Variants in NDST4 observed in about 807,000 individuals in gnomAD.
NDST4 encodes the protein N-deacetylase and N-sulfotransferase 4.
A neutral mutation model predicts 100.8 loss-of-function variants in NDST4; 63 were observed. The observed-to-expected ratio is 0.62, with a 90% CI of 0.51 to 0.77. The LOEUF (loss-of-function observed/expected upper bound fraction) is 0.77, where lower values mean the gene tolerates loss of function less well. NDST4 is among the 30% of genes least tolerant of loss of function. The pLI is 0.00. For missense variants in NDST4, 943 were observed against 1,018.4 expected (o/e 0.93, Z 1.01); for synonymous variants, 377 against 361.8 (o/e 1.04, Z -0.48).
intron 2 of NDST4, among the ~76,000 whole-genome samples, chr4:115,027,818 C>G (rs568737607): frequency 6.6e-6 from 1 of 152,180 alleles, no homozygotes; most frequent in Non-Finnish European, 1.5e-5. Context: ...CTTTGGGAGG[C>G]CAAGGCGGGC....
chr4:115,076,509 T>C lies in NDST4; in HGVS notation c.528A>G (p.Gln176=). The C allele has an allele frequency of 6.2e-7, 1 of 1,614,016 alleles. No individual in the cohort carries two copies. The highest frequency in any genetic ancestry group is 8.5e-7 in the Non-Finnish European group (1 of 1,179,952). The change falls in exon 2 of 14, where the codon CAA becomes CAG. Residue 176 remains glutamine, a synonymous_variant. Coordinates refer to ENST00000264363, the MANE Select transcript of NDST4 (RefSeq NM_022569.3). The part of the protein sequence containing the change: ...KANENSLPST[Q]LKGFPLNLFN... ...AAAGGTTTAACGGAAAGCCTTTTAA[T>C]TGTGTACTTGGTAAGCTGTTCTCAT...
intron 2 of NDST4, among the ~76,000 whole-genome samples, chr4:115,024,664 T>C (rs1560571273): frequency 6.6e-6 from 1 of 152,170 alleles, no homozygotes; most frequent in Non-Finnish European, 1.5e-5. Context: ...GATGAGACTC[T>C]ACTTCTAAAT....
chr4:114,833,073 A>T (rs527561491), intron 12 of NDST4, among the ~76,000 whole-genome samples: 9 of 152,366 alleles, frequency 5.9e-5, no homozygotes, highest in Non-Finnish European at 1.3e-4. Flanking sequence ...TTCCATGAGC[A>T]TAATAAAATA....
intron 1 of NDST4, among the ~76,000 whole-genome samples, chr4:115,082,252 C>G (rs1023554744): frequency 3.3e-5 from 5 of 152,070 alleles, no homozygotes; most frequent in Non-Finnish European, 5.9e-5. Context: ...ATGATATTAA[C>G]ACTATTGTTT....
chr4:114,866,466 T>C (rs1351748973), intron 7 of NDST4, among the ~76,000 whole-genome samples: 1 of 152,244 alleles, frequency 6.6e-6, no homozygotes, highest in African/African-American at 2.4e-5. Context: ...TACCTGCTTC[T>C]ATAGGTTACT....
chr4:114,894,151 A>G (rs1724662750), intron 6 of NDST4, among the ~76,000 whole-genome samples: 2 of 152,294 alleles, frequency 1.3e-5, no homozygotes, highest in East Asian at 1.9e-4. Flanking sequence ...GCCTTGTAGT[A>G]TAGTCTGAAG....
chr4:114,929,414 T>G (rs902911164), intron 6 of NDST4, among the ~76,000 whole-genome samples: 1 of 152,158 alleles, frequency 6.6e-6, no homozygotes, highest in Non-Finnish European at 1.5e-5. Flanking sequence ...GATCTATACT[T>G]CATATTCCCA....
chr4:115,063,794 A>ACC (rs1466553991), intron 2 of NDST4, among the ~76,000 whole-genome samples: 3 of 151,864 alleles, frequency 2.0e-5, no homozygotes, highest in Non-Finnish European at 2.9e-5. Context: ...TTGCTTTTTT[A>ACC]CCTTGCTCAG....
Position 115,076,340 on chromosome 4 carries a change from C to G in NDST4, c.697G>C (p.Val233Leu). The G allele has an allele frequency of 6.2e-7, 1 of 1,613,974 alleles. No individual in the cohort carries two copies. Among genetic ancestry groups the G allele is most frequent in the Non-Finnish European group, 8.5e-7 (1 of 1,179,938 alleles). The change falls in exon 2 of 14, where the codon GTA (valine) becomes CTA (leucine). Residue 233 changes from valine (V) to leucine (L), a missense_variant. By Grantham distance (32) the Val-to-Leu change is conservative. Coordinates refer to ENST00000264363, the MANE Select transcript of NDST4 (RefSeq NM_022569.3). ...TCTGTCTGTAACTCAGTTAAAAGTACAGGCTGGTAGGTTGAATGATTATAT... is the reference window on the plus strand; with the variant it reads ...TCTGTCTGTAACTCAGTTAAAAGTAGAGGCTGGTAGGTTGAATGATTATAT... ...FQYNHSTYQP[V>L]LLTELQTEKS...
intron 4 of NDST4, among the ~76,000 whole-genome samples, chr4:114,950,456 G>A (rs1324231162): frequency 1.3e-5 from 2 of 151,986 alleles, no homozygotes; most frequent in Non-Finnish European, 2.9e-5. Flanking sequence ...GAACCATGTG[G>A]AAGTTAAGGT....
intron 2 of NDST4, among the ~76,000 whole-genome samples, chr4:115,066,270 C>G (rs1186807694): frequency 1.3e-5 from 2 of 152,094 alleles, no homozygotes; most frequent in Non-Finnish European, 2.9e-5. Context: ...TTAAAATGTA[C>G]TTTTATACAA....
At chr4:114,890,437 C>A (rs1398652320) in intron 6 of NDST4, among the ~76,000 whole-genome samples, 3 of 152,032 alleles carry the variant, frequency 2.0e-5, no homozygotes, top group East Asian at 1.9e-4. Flanking sequence ...TTGCCTTACT[C>A]CTTTATAGGA....
In NDST4 at chr4:115,076,597, C is replaced by T. The variant is rs1327129332; in HGVS notation, c.440G>A (p.Arg147Gln). The T allele has an allele frequency of 5.6e-6, 9 of 1,613,752 alleles. No individual in the cohort carries two copies. Among genetic ancestry groups the T allele is most frequent in the Non-Finnish European group, 5.9e-6 (7 of 1,179,918 alleles). The change falls in exon 2 of 14, where the codon CGA becomes CAA. Residue 147 changes from arginine to glutamine, a missense_variant. Physicochemically the swap from Arg to Gln is conservative, Grantham distance 43. Around this residue, in one of 2 missense-constraint regions of NDST4, gnomAD observed 417 missense variants for 384.2 expected, o/e 1.09. Coordinates refer to ENST00000264363, the MANE Select transcript of NDST4 (RefSeq NM_022569.3). ...CACACAGTATTTTTCTAAAAGCTCTCGATTCCATGAGTCCATGCTGACATA... is the reference window on the plus strand; with the variant it reads ...CACACAGTATTTTTCTAAAAGCTCTTGATTCCATGAGTCCATGCTGACATA... ...LKYVSMDSWNRELLEKYCVEY... is the reference protein window; with the variant it reads ...LKYVSMDSWNQELLEKYCVEY...
At chr4:114,842,457 C>A (rs755841934) in intron 10 of NDST4, among the ~76,000 whole-genome samples, 2 of 151,402 alleles carry the variant, frequency 1.3e-5, no homozygotes, top group Non-Finnish European at 1.5e-5. Context: ...AGTGTGTCTA[C>A]GAACTCGGAT....
intron 1 of NDST4, among the ~76,000 whole-genome samples, chr4:115,112,959 A>T (rs1276426473): frequency 6.6e-6 from 1 of 151,970 alleles, no homozygotes; most frequent in African/African-American, 2.4e-5. Flanking sequence ...AAAGCAGACC[A>T]TTAGTACAGA....
chr4:114,923,169 G>A (rs933581986), intron 6 of NDST4, among the ~76,000 whole-genome samples: 2 of 152,136 alleles, frequency 1.3e-5, no homozygotes, highest in African/African-American at 4.8e-5. Flanking sequence ...TATCATATCT[G>A]CATATTAGCC....
intron 3 of NDST4, among the ~76,000 whole-genome samples, chr4:114,970,899 T>A (rs1330454450): frequency 1.3e-5 from 2 of 152,152 alleles, no homozygotes; most frequent in African/African-American, 4.8e-5. Flanking sequence ...TTTTTTACCC[T>A]TAAATGTTAA....
chr4:115,044,217 A>G (rs1472483240), intron 2 of NDST4, among the ~76,000 whole-genome samples: 1 of 152,140 alleles, frequency 6.6e-6, no homozygotes, highest in Non-Finnish European at 1.5e-5. Flanking sequence ...TAGATATGCT[A>G]CAGAGATTGC....
At chr4:115,005,301 T>TTAATAATAATCTCTAA (rs1326486401) in intron 2 of NDST4, among the ~76,000 whole-genome samples, 1 of 152,002 alleles carries the variant, frequency 6.6e-6, no homozygotes. Context: ...ATCATAGAGA[T>TTAATAATAATCTCTAA]TAATAAGGTA....
Sources: gnomAD v4.1 joint callset for allele counts (sites outside exome capture counted in the v4.1 genomes callset) on GRCh38, gnomAD v4.1.1 for gene constraint, gnomAD v4.1.1 regional missense constraint, MANE v1.5 for transcripts, NCBI Gene and HGNC (gene_info 2026-07-23, HGNC 2026-07-21) for gene names.